The following ENOX1 variants were observed in gnomAD, a reference collection of about 807,000 sequenced individuals.
The protein encoded by ENOX1 is candidate growth-related and time keeping constitutive hydroquinone (NADH) oxidase.
In ENOX1, 42 loss-of-function variants were observed where a neutral mutation model predicts 82.5. That is an observed-to-expected ratio of 0.51 (90% confidence interval 0.40 to 0.66). The LOEUF is 0.66. Ranked by LOEUF, ENOX1 falls within the 30% of genes least tolerant of loss-of-function variation. The pLI is 0.00. For synonymous variants in ENOX1, 271 were observed against 282.2 expected, an observed-to-expected ratio of 0.96 and a Z score of 0.40; for missense variants, 608 against 811.6, an observed-to-expected ratio of 0.75 and a Z score of 3.05.
At position 43,770,251 on chromosome 13, in the gene ENOX1, GA is replaced by G. The variant is rs1172758517; in HGVS notation, c.-285+16400del. Among the ~76,000 whole-genome samples, 3 of 152,170 alleles carry G rather than the reference GA, an allele frequency of 2.0e-5. No individual in the cohort carries two copies. In the East Asian group the frequency reaches 5.8e-4, roughly 29 times the overall value. On this transcript the variant is annotated intron_variant, in intron 1 of 16. Coordinates refer to ENST00000690772, the MANE Select transcript of ENOX1 (RefSeq NM_001347969.2). Reference sequence around the variant, plus strand: ...CTTCTACCCAGATCTGAGACAATGAGAAAATGGCATTCCCCCTGGTCACATG... The same window carrying G: ...CTTCTACCCAGATCTGAGACAATGAGAAATGGCATTCCCCCTGGTCACATG...
chr13:43,323,976 G>C (rs1254021162), intron 10 of ENOX1, among the ~76,000 whole-genome samples: 2 of 152,230 alleles, frequency 1.3e-5, no homozygotes, highest in Non-Finnish European at 2.9e-5. Flanking sequence ...AGAAAGCAGA[G>C]AGACAAGGTC....
At chr13:43,258,438 G>A (rs981117229) in intron 14 of ENOX1, among the ~76,000 whole-genome samples, 23 of 152,196 alleles carry the variant, frequency 1.5e-4, no homozygotes, top group African/African-American at 5.3e-4. Context: ...GGGTTGTAGA[G>A]GGAGAGCAGG....
intron 1 of ENOX1, among the ~76,000 whole-genome samples, chr13:43,709,045 A>C (rs1225140823): frequency 6.6e-6 from 1 of 152,196 alleles, no homozygotes; most frequent in Non-Finnish European, 1.5e-5. Flanking sequence ...AAATACACAT[A>C]TCTGACAAAT....
intron 3 of ENOX1, among the ~76,000 whole-genome samples, chr13:43,437,665 G>A (rs1188201530): frequency 6.6e-6 from 1 of 152,152 alleles, no homozygotes; most frequent in African/African-American, 2.4e-5. Context: ...GCCAAAGAAT[G>A]GACTTAGTGC....
intron 15 of ENOX1, 104 bp downstream of exon 15, chr13:43,236,532 C>G: frequency 3.1e-6 from 2 of 639,562 alleles, no homozygotes; most frequent in Non-Finnish European, 5.0e-6. Flanking sequence ...CACCTTTTAC[C>G]AGAAGGCAAT....
chr13:43,613,269 A>G (rs1333683830), intron 2 of ENOX1, among the ~76,000 whole-genome samples: 1 of 152,160 alleles, frequency 6.6e-6, no homozygotes, highest in East Asian at 1.9e-4. Flanking sequence ...ACAGTCAAAA[A>G]CAGTTTCTAG....
chr13:43,586,590 A>G (rs2080995930), intron 2 of ENOX1, among the ~76,000 whole-genome samples: 2 of 152,186 alleles, frequency 1.3e-5, no homozygotes, highest in South Asian at 4.1e-4. Flanking sequence ...CTGAATGAAG[A>G]GGAGGGGGCA....
chr13:43,571,467 T>A (rs2080174867), intron 2 of ENOX1, among the ~76,000 whole-genome samples: 1 of 151,064 alleles, frequency 6.6e-6, no homozygotes, highest in Non-Finnish European at 1.5e-5. Context: ...TCACCTGAGG[T>A]CAGGAGTTTG....
At chr13:43,238,953 C>G (rs958319469) in intron 14 of ENOX1, among the ~76,000 whole-genome samples, 13 of 152,112 alleles carry the variant, frequency 8.5e-5, no homozygotes, top group Non-Finnish European at 1.5e-4. Flanking sequence ...GTGGAACAGA[C>G]AGACCACCTG....
intron 2 of ENOX1, among the ~76,000 whole-genome samples, chr13:43,592,594 T>C (rs2081292479): frequency 1.3e-5 from 2 of 152,212 alleles, no homozygotes; most frequent in South Asian, 4.1e-4. Context: ...TGTTTTTACA[T>C]CAGAATGCAA....
chr13:43,347,772 A>G (rs148752333), intron 8 of ENOX1, among the ~76,000 whole-genome samples: 4 of 152,254 alleles, frequency 2.6e-5, no homozygotes, highest in African/African-American at 9.6e-5. Flanking sequence ...ATGCACTTAT[A>G]AAAATTCCAA....
chr13:43,651,695 T>TTAAAAAAAAAAAAAAAAA (rs2084179088), intron 2 of ENOX1, among the ~76,000 whole-genome samples: 1 of 96,936 alleles, frequency 1.0e-5, no homozygotes, highest in East Asian at 3.0e-4. Context: ...AGACTCTGTC[T>TTAAAAAAAAAAAAAAAAA]AAAAAAAAAA....
intron 11 of ENOX1, among the ~76,000 whole-genome samples, chr13:43,301,095 G>A (rs1217456718): frequency 2.0e-5 from 3 of 152,206 alleles, no homozygotes; most frequent in East Asian, 1.9e-4. Flanking sequence ...TGAAGAAAGT[G>A]TTGGCACTGC....
At chr13:43,507,023 GAAT>G (rs2153672085) in intron 2 of ENOX1, among the ~76,000 whole-genome samples, 1 of 151,448 alleles carries the variant, frequency 6.6e-6, no homozygotes, top group African/African-American at 2.4e-5. Flanking sequence ...GTGATTGACA[GAAT>G]AGAACTTTTA....
chr13:43,729,419 C>G (rs75988256), intron 1 of ENOX1, among the ~76,000 whole-genome samples: 5,081 of 151,858 alleles, frequency 0.033, 97 homozygotes, highest in East Asian at 0.064. Flanking sequence ...ACAAGTAGCA[C>G]AGGAAACACT....
intron 3 of ENOX1, among the ~76,000 whole-genome samples, chr13:43,478,444 C>T (rs1238714115): frequency 6.6e-6 from 1 of 151,738 alleles, no homozygotes; most frequent in Non-Finnish European, 1.5e-5. Flanking sequence ...AACTTGATGT[C>T]GTATGCAAAA....
intron 2 of ENOX1, among the ~76,000 whole-genome samples, chr13:43,535,887 A>G (rs2078439025): frequency 6.6e-6 from 1 of 152,186 alleles, no homozygotes; most frequent in African/African-American, 2.4e-5. Context: ...GCACATACAC[A>G]TTATAATTTG....
chr13:43,669,256 G>A (rs2085139415), intron 1 of ENOX1, among the ~76,000 whole-genome samples: 1 of 152,224 alleles, frequency 6.6e-6, no homozygotes, highest in African/African-American at 2.4e-5. Context: ...CTATTTGGCA[G>A]ATGCCCTGCT....
chr13:43,219,427 T>C (rs2041668359), intron 16 of ENOX1, among the ~76,000 whole-genome samples: 1 of 152,170 alleles, frequency 6.6e-6, no homozygotes, highest in South Asian at 2.1e-4. Flanking sequence ...GTCATAACCC[T>C]GAAGTTTTGA....
Sources: gnomAD v4.1 joint callset for allele counts (sites outside exome capture counted in the v4.1 genomes callset) on GRCh38, gnomAD v4.1.1 for gene constraint, MANE v1.5 for transcripts, NCBI Gene and HGNC (gene_info 2026-07-23, HGNC 2026-07-21) for gene names.